IPP: variants seen among roughly 807,000 people sequenced by gnomAD.
The protein encoded by IPP is actin-binding protein IPP.
IPP carries 41 observed loss-of-function variants against 64.1 expected under a neutral mutation model. The ratio of observed to expected loss-of-function variants is 0.64; its 90% confidence interval spans 0.50 to 0.83. The LOEUF (loss-of-function observed/expected upper bound fraction) is 0.83, where lower values mean the gene tolerates loss of function less well. Ranked by LOEUF, IPP falls within the 40% of genes least tolerant of loss-of-function variation. The pLI, the probability that IPP is intolerant of heterozygous loss-of-function variation, is 0.00. For synonymous variants in IPP, 214 were observed against 235.2 expected (o/e 0.91, Z 0.83); for missense variants, 649 against 703.0 (o/e 0.92, Z 0.87).
chr1:45,717,075 A>G, intron 6 of IPP, 58 bp from the exon 7 acceptor site: 1 of 1,539,082 alleles, frequency 6.5e-7, no homozygotes, highest in East Asian at 2.3e-5. Context: ...TTTATGACAA[A>G]GACCTTAGAA....
At chr1:45,701,341 G>A (rs1645453280) in intron 8 of IPP, among the ~76,000 whole-genome samples, 1 of 151,790 alleles carries the variant, frequency 6.6e-6, no homozygotes, top group African/African-American at 2.4e-5. Flanking sequence ...AGGCTGGAGT[G>A]CAATGGTGTG....
intron 3 of IPP, among the ~76,000 whole-genome samples, chr1:45,732,430 G>A (rs1195991719): frequency 1.4e-5 from 2 of 146,230 alleles, no homozygotes; most frequent in African/African-American, 2.6e-5. Context: ...ATACAGATGA[G>A]ATGCATTGCT....
chr1:45,734,420 A>C (rs1391000777), intron 3 of IPP, among the ~76,000 whole-genome samples: 1 of 151,638 alleles, frequency 6.6e-6, no homozygotes, highest in African/African-American at 2.4e-5. Context: ...AATTATTTTT[A>C]TTTTTATTCT....
intron 8 of IPP, among the ~76,000 whole-genome samples, chr1:45,707,339 C>T (rs964555338): frequency 6.3e-5 from 9 of 143,450 alleles, no homozygotes; most frequent in African/African-American, 1.0e-4. Flanking sequence ...AGGAGAATGG[C>T]GTGAACCTGG....
intron 5 of IPP, among the ~76,000 whole-genome samples, chr1:45,725,453 C>T (rs1237762361): frequency 7.0e-6 from 1 of 143,446 alleles, no homozygotes; most frequent in African/African-American, 2.6e-5. Context: ...CCGCCCCATC[C>T]GGGAGGGAGG....
At chr1:45,747,296 C>T (rs114282205) in intron 1 of IPP, among the ~76,000 whole-genome samples, 3,837 of 151,848 alleles carry the variant, frequency 0.025, 163 homozygotes, top group African/African-American at 0.089. Context: ...CTTTTAACTT[C>T]TCCACATATT....
intron 1 of IPP, among the ~76,000 whole-genome samples, chr1:45,748,078 T>G (rs1050101280): frequency 6.6e-6 from 1 of 151,992 alleles, no homozygotes; most frequent in Non-Finnish European, 1.5e-5. Flanking sequence ...ATTAACTTAT[T>G]GAGAAATTTG....
intron 3 of IPP, among the ~76,000 whole-genome samples, chr1:45,738,493 T>C (rs1221378832): frequency 2.0e-5 from 3 of 152,110 alleles, no homozygotes; most frequent in Non-Finnish European, 4.4e-5. Context: ...CTGGTGGCCA[T>C]GAGTTCATTG....
Position 45,698,943 on chromosome 1 carries a change from A to T in IPP, c.*1023T>A. ...CATCACGTTGCCCAGGCTAGTCTCG[A>T]ACTCCTGAGTTCAAGCCATCTTCCC... On this transcript the variant is annotated 3_prime_UTR_variant, in exon 9 of 9. Transcript: ENST00000396478. 1.6e-6 allele frequency: 1 copy of T among 623,852 alleles called. No homozygotes were observed. Among genetic ancestry groups the T allele is most frequent in the Non-Finnish European group, 2.0e-6 (1 of 499,946 alleles). The allele number at this position is 623,852 out of a possible 1,614,324, so 38.6% of individuals were successfully genotyped here. A position where few individuals can be genotyped will look rare whatever the true frequency, so the allele number is the denominator to read the frequency against.
intron 1 of IPP, among the ~76,000 whole-genome samples, chr1:45,746,700 T>TA (rs1646138922): frequency 6.6e-6 from 1 of 152,128 alleles, no homozygotes; most frequent in Admixed American, 6.6e-5. Context: ...AACTGAAAGA[T>TA]AAACAGTTAA....
At chr1:45,695,733 T>A (rs949616932), downstream of IPP, among the ~76,000 whole-genome samples, 15 of 151,952 alleles carry the variant, frequency 9.9e-5, no homozygotes, top group Non-Finnish European at 1.5e-4. Context: ...GCAATGGCGC[T>A]ATCTCGGCTC....
At chr1:45,701,924 CAG>C (rs1296731124) in intron 8 of IPP, among the ~76,000 whole-genome samples, 3 of 152,038 alleles carry the variant, frequency 2.0e-5, no homozygotes, top group Non-Finnish European at 4.4e-5. Context: ...AATACTAAAC[CAG>C]GGACAATTCT....
At chr1:45,729,844 T>C in intron 3 of IPP, 75 bp from the exon 4 acceptor site, 1 of 851,132 alleles carries the variant, frequency 1.2e-6, no homozygotes, top group South Asian at 1.9e-5. Context: ...TCTATAAAGA[T>C]AAGATACATT....
At chr1:45,744,227 C>A (rs528116002) in intron 2 of IPP, among the ~76,000 whole-genome samples, 1 of 152,306 alleles carries the variant, frequency 6.6e-6, no homozygotes, top group South Asian at 2.1e-4. Context: ...TCATCACTCA[C>A]TGAAGCCGCA....
intron 3 of IPP, among the ~76,000 whole-genome samples, chr1:45,736,415 T>A (rs1244552425): frequency 6.6e-6 from 1 of 152,096 alleles, no homozygotes; most frequent in Non-Finnish European, 1.5e-5. Context: ...GTAAGTACAA[T>A]AATATATATA....
At chr1:45,714,759 A>G (rs1225847605) in intron 7 of IPP, among the ~76,000 whole-genome samples, 1 of 151,446 alleles carries the variant, frequency 6.6e-6, no homozygotes, top group African/African-American at 2.4e-5. Flanking sequence ...CAGGTTCCAG[A>G]TCCACCCATA....
intron 5 of IPP, among the ~76,000 whole-genome samples, chr1:45,725,832 A>G (rs373262751): frequency 0.19 from 22,268 of 118,078 alleles, 1,804 homozygotes; most frequent in East Asian, 0.27. Flanking sequence ...GTCCACTCAG[A>G]GTTAAATGGA....
chr1:45,712,144 T>A (rs1191576071), intron 8 of IPP, among the ~76,000 whole-genome samples: 2 of 151,932 alleles, frequency 1.3e-5, no homozygotes, highest in African/African-American at 4.8e-5. Flanking sequence ...GGTGAAACCC[T>A]GGCTCTACTA....
intron 6 of IPP, among the ~76,000 whole-genome samples, chr1:45,717,396 C>A (rs1645675172): frequency 6.6e-6 from 1 of 152,122 alleles, no homozygotes; most frequent in South Asian, 2.1e-4. Flanking sequence ...GAATGTTTAT[C>A]CTAATCAAGG....
Sources: allele counts gnomAD v4.1 joint callset (sites outside exome capture counted in the v4.1 genomes callset), GRCh38; gene constraint gnomAD v4.1.1; transcripts MANE v1.5; gene names NCBI Gene and HGNC (gene_info 2026-07-23, HGNC 2026-07-21).